The following FANK1 variants were observed in gnomAD, a reference collection of about 807,000 sequenced individuals.
The protein encoded by FANK1 is fibronectin type 3 and ankyrin repeat domains protein 1.
FANK1 carries 44 observed loss-of-function variants against 45.3 expected under a neutral mutation model. The observed-to-expected ratio is 0.97, with a 90% CI of 0.76 to 1.25. The LOEUF (loss-of-function observed/expected upper bound fraction) is 1.25, where lower values mean the gene tolerates loss of function less well. Ranked by LOEUF, FANK1 falls within the 50% of genes most tolerant of loss-of-function variation. The probability of loss-of-function intolerance (pLI) is 0.00; values close to 1 mark genes in which losing one functional copy is unlikely to be tolerated. For synonymous variants in FANK1, 149 were observed against 152.5 expected, an observed-to-expected ratio of 0.98 and a Z score of 0.17; for missense variants, 391 against 424.4, an observed-to-expected ratio of 0.92 and a Z score of 0.69.
At chr10:125,900,302 T>C (rs1564846341) in intron 1 of FANK1, among the ~76,000 whole-genome samples, 1 of 152,198 alleles carries the variant, frequency 6.6e-6, no homozygotes, top group Admixed American at 6.5e-5. Context: ...AGCTCATGTA[T>C]AAAATAACAT....
At chr10:125,896,909 G>A (rs5013596) in intron 1 of FANK1, among the ~76,000 whole-genome samples, 1 of 151,716 alleles carries the variant, frequency 6.6e-6, no homozygotes, top group East Asian at 1.9e-4. Context: ...GAGCCCCGAG[G>A]TATGGGTGGG....
chr10:125,975,367 T>A (rs1015386145), intron 1 of FANK1, among the ~76,000 whole-genome samples: 3 of 152,244 alleles, frequency 2.0e-5, no homozygotes, highest in African/African-American at 7.2e-5. Flanking sequence ...TACCCAGTAA[T>A]GGGATTCCTG....
At chr10:125,994,759 C>A (rs570379263) in intron 3 of FANK1, 1 of 985,282 alleles carries the variant, frequency 1.0e-6, no homozygotes. Flanking sequence ...GTTGGCTTCG[C>A]TGTGGAGCTG....
At chr10:125,958,851 G>T (rs905393920) in intron 1 of FANK1, among the ~76,000 whole-genome samples, 1 of 152,134 alleles carries the variant, frequency 6.6e-6, no homozygotes, top group African/African-American at 2.4e-5. Flanking sequence ...CAAACAAATG[G>T]AAAGACATCC....
chr10:125,931,221 G>A lies in FANK1; in HGVS notation c.13+34566G>A, dbSNP rs146549437. ...TTGAATAATGACTTCTTTTCCTCTG[G>A]GTAGATACCCAGTAGTGGAATTGCT... On this transcript the variant is annotated intron_variant, in intron 1 of 10. Coordinates refer to ENST00000368693, the MANE Select transcript of FANK1 (RefSeq NM_145235.5). Among the ~76,000 whole-genome samples the A allele has an allele frequency of 5.8e-4, 89 of 152,216 alleles. No homozygotes were observed. The East Asian group carries it at 0.017, about 29-fold the overall frequency.
At chr10:125,964,711 G>A (rs1380387347) in intron 1 of FANK1, among the ~76,000 whole-genome samples, 7 of 152,150 alleles carry the variant, frequency 4.6e-5, no homozygotes, top group African/African-American at 7.2e-5. Flanking sequence ...AAGCTGCCAT[G>A]AACATTCTTA....
chr10:125,977,476 T>C (rs963182629), intron 1 of FANK1, among the ~76,000 whole-genome samples: 2 of 152,174 alleles, frequency 1.3e-5, no homozygotes, highest in African/African-American at 4.8e-5. Flanking sequence ...ACAGTTTCCG[T>C]CATGCTCCCT....
At chr10:125,958,939 A>G (rs1590048996) in intron 1 of FANK1, among the ~76,000 whole-genome samples, 1 of 152,226 alleles carries the variant, frequency 6.6e-6, no homozygotes, top group East Asian at 1.9e-4. Context: ...AGATTATTGC[A>G]AACACAAAGT....
chr10:125,982,289 C>T (rs1301199859), intron 2 of FANK1, among the ~76,000 whole-genome samples: 1 of 152,246 alleles, frequency 6.6e-6, no homozygotes, highest in Non-Finnish European at 1.5e-5. Context: ...GCTAGAGAAA[C>T]CATAGCTGCG....
intron 1 of FANK1, among the ~76,000 whole-genome samples, chr10:125,901,672 G>A: frequency 6.6e-6 from 1 of 152,186 alleles, no homozygotes; most frequent in East Asian, 1.9e-4. Flanking sequence ...GCTATGGCAG[G>A]TCTGACTCCT....
At chr10:126,002,196 C>T (rs1812976464) in intron 6 of FANK1, among the ~76,000 whole-genome samples, 1 of 151,942 alleles carries the variant, frequency 6.6e-6, no homozygotes, top group African/African-American at 2.4e-5. Flanking sequence ...CCTGTAATCC[C>T]AGCTACTTGA....
chr10:125,949,039 A>G (rs1346744483), intron 1 of FANK1, among the ~76,000 whole-genome samples: 2 of 150,476 alleles, frequency 1.3e-5, no homozygotes, highest in African/African-American at 2.4e-5. Flanking sequence ...CTCAATAGAT[A>G]CAGAAAAAGC....
Position 125,930,563 on chromosome 10 carries a change from A to G in FANK1, c.13+33908A>G, listed in dbSNP as rs528049460. 3.4e-4 allele frequency among the ~76,000 whole-genome samples: 51 copies of G among 150,284 alleles called. No individual in the cohort carries two copies. The South Asian group carries it at 7.0e-3, about 20-fold the overall frequency. On this transcript the variant is annotated intron_variant, in intron 1 of 10. Transcript: ENST00000368693. Reference sequence around the variant, plus strand: ...ATGTTTCCCAGGCTGGTCTTGATCTACTGGGCTCAGGCAATCCTCCGCTTT... The same window carrying G: ...ATGTTTCCCAGGCTGGTCTTGATCTGCTGGGCTCAGGCAATCCTCCGCTTT...
At chr10:125,898,827 C>T (rs1288967421) in intron 1 of FANK1, among the ~76,000 whole-genome samples, 4 of 151,544 alleles carry the variant, frequency 2.6e-5, no homozygotes, top group Non-Finnish European at 5.9e-5. Context: ...TCTTTCTTTC[C>T]ACATATTCTT....
chr10:125,970,743 C>T (rs1174960100), intron 1 of FANK1, among the ~76,000 whole-genome samples: 1 of 152,138 alleles, frequency 6.6e-6, no homozygotes, highest in Non-Finnish European at 1.5e-5. Flanking sequence ...AGGGAGGTTG[C>T]AGTGAGCCGA....
intron 2 of FANK1, among the ~76,000 whole-genome samples, chr10:125,986,665 C>T (rs1951579347): frequency 6.6e-6 from 1 of 152,192 alleles, no homozygotes; most frequent in Admixed American, 6.5e-5. Flanking sequence ...GTCTGCCTGT[C>T]TGTCATGGAA....
chr10:126,004,839 G>C, intron 6 of FANK1, 45 bp from the exon 7 acceptor site: 1 of 1,603,144 alleles, frequency 6.2e-7, no homozygotes, highest in Non-Finnish European at 8.5e-7. Context: ...GCTGAGTTTG[G>C]TGACTGTGCT....
At chr10:125,982,299 G>A (rs984743476) in intron 2 of FANK1, among the ~76,000 whole-genome samples, 5 of 152,216 alleles carry the variant, frequency 3.3e-5, no homozygotes, top group East Asian at 1.9e-4. Context: ...CCATAGCTGC[G>A]TGTGCTGGCT....
intron 2 of FANK1, chr10:125,980,678 C>T (rs573819288): frequency 7.7e-6 from 2 of 259,506 alleles, no homozygotes; most frequent in South Asian, 4.8e-5. Context: ...AATGGCCCCG[C>T]ATGGTCTACC....
Sources: gnomAD v4.1 joint callset for allele counts (sites outside exome capture counted in the v4.1 genomes callset) on GRCh38, gnomAD v4.1.1 for gene constraint, MANE v1.5 for transcripts, NCBI Gene and HGNC (gene_info 2026-07-23, HGNC 2026-07-21) for gene names.